Variants in PREX2 observed in about 807,000 individuals in gnomAD.
PREX2 encodes phosphatidylinositol-3,4,5-trisphosphate dependent Rac exchange factor 2.
In PREX2, 107 loss-of-function variants were observed where a neutral mutation model predicts 203.2. The observed-to-expected ratio is 0.53, with a 90% CI of 0.45 to 0.62. The LOEUF (loss-of-function observed/expected upper bound fraction) is 0.62. PREX2 is among the 20% of genes least tolerant of loss of function. PREX2 has a pLI of 0.00. For synonymous variants in PREX2, 672 were observed against 663.6 expected, an observed-to-expected ratio of 1.01 and a Z score of -0.19; for missense variants, 1,777 against 1,955.9, an observed-to-expected ratio of 0.91 and a Z score of 1.72.
chr8:68,123,677 C>T (rs1469944062), intron 30 of PREX2, among the ~76,000 whole-genome samples: 1 of 151,844 alleles, frequency 6.6e-6, no homozygotes, highest in Non-Finnish European at 1.5e-5. Flanking sequence ...GGATAAATTC[C>T]TGGACACATG....
intron 1 of PREX2, among the ~76,000 whole-genome samples, chr8:68,017,371 A>G (rs888839040): frequency 2.0e-5 from 3 of 151,968 alleles, no homozygotes; most frequent in Non-Finnish European, 2.9e-5. Flanking sequence ...AGGGATAGCT[A>G]TCTATCTATC....
At chr8:68,024,715 G>T (rs1807666031) in intron 4 of PREX2, among the ~76,000 whole-genome samples, 1 of 151,592 alleles carries the variant, frequency 6.6e-6, no homozygotes, top group African/African-American at 2.4e-5. Flanking sequence ...TTGTTTCTCT[G>T]TTCCTGTTTT....
rs756307336 is a variant in PREX2 at position 68,115,942 on chromosome 8, T to G, written c.3326+10T>G. ...ACAGAGACTCTTACAGGTAATTCAC[T>G]AATTCCTCAAACTCATTTTCTTAAC... On this transcript the variant is annotated intron_variant, in intron 26 of 39. Coordinates refer to ENST00000288368, the MANE Select transcript of PREX2 (RefSeq NM_024870.4). The G allele has an allele frequency of 1.7e-5, 26 of 1,574,892 alleles. No individual in the cohort carries two copies. Among genetic ancestry groups the G allele is most frequent in the Admixed American group, 1.1e-4 (6 of 53,036 alleles).
chr8:68,168,035 A>G (rs1811798206), intron 35 of PREX2, among the ~76,000 whole-genome samples: 2 of 152,216 alleles, frequency 1.3e-5, no homozygotes, highest in Non-Finnish European at 1.5e-5. Context: ...GCCAAAATGA[A>G]TATCAGATCA....
rs866377807 is a variant in PREX2 at position 68,047,498 on chromosome 8, T to C, written c.943+2908T>C. Among the ~76,000 whole-genome samples, 7 of 67,416 alleles carry C rather than the reference T, an allele frequency of 1.0e-4. 1 individual carries two copies. The highest frequency in any genetic ancestry group is 2.7e-4 in the African/African-American group (3 of 10,988). 44.2% of individuals were successfully genotyped at this position (67,416 alleles called of 152,430 possible). On this transcript the variant is annotated intron_variant, in intron 8 of 39. Coordinates refer to ENST00000288368, the MANE Select transcript of PREX2 (RefSeq NM_024870.4). ...ATATATATATATATATATATATATATATATATATACACATACATATATATA... is the reference window on the plus strand; with the variant it reads ...ATATATATATATATATATATATATACATATATATACACATACATATATATA...
intron 30 of PREX2, among the ~76,000 whole-genome samples, chr8:68,125,574 T>C (rs1296086792): frequency 6.6e-6 from 1 of 152,140 alleles, no homozygotes; most frequent in Non-Finnish European, 1.5e-5. Flanking sequence ...ATTAATTATA[T>C]GGTGTCCCTA....
chr8:68,084,226 A>G (rs1467222405), intron 18 of PREX2, among the ~76,000 whole-genome samples: 1 of 152,110 alleles, frequency 6.6e-6, no homozygotes, highest in Non-Finnish European at 1.5e-5. Context: ...TGTACAAACT[A>G]TTTAGCATAA....
chr8:68,147,580 A>G (rs1212774635), intron 34 of PREX2, among the ~76,000 whole-genome samples: 3 of 152,176 alleles, frequency 2.0e-5, no homozygotes, highest in South Asian at 2.1e-4. Flanking sequence ...GCCATGGGGA[A>G]CTGTAAGTCC....
intron 30 of PREX2, among the ~76,000 whole-genome samples, chr8:68,123,547 A>G (rs1307875328): frequency 6.6e-6 from 1 of 152,076 alleles, no homozygotes; most frequent in African/African-American, 2.4e-5. Flanking sequence ...GAAATGACAA[A>G]GGAGATATTA....
intron 6 of PREX2, among the ~76,000 whole-genome samples, chr8:68,034,367 G>A (rs1166507239): frequency 6.6e-6 from 1 of 152,098 alleles, no homozygotes; most frequent in African/African-American, 2.4e-5. Context: ...TGCTCTGTCT[G>A]TGTGTTGGCT....
intron 1 of PREX2, among the ~76,000 whole-genome samples, chr8:67,969,986 C>T (rs769007022): frequency 6.6e-6 from 1 of 152,158 alleles, no homozygotes; most frequent in Non-Finnish European, 1.5e-5. Flanking sequence ...TTCTATAGCT[C>T]AATTTGCTCT....
intron 1 of PREX2, among the ~76,000 whole-genome samples, chr8:67,971,578 A>G (rs557413604): frequency 6.6e-6 from 1 of 152,328 alleles, no homozygotes; most frequent in South Asian, 2.1e-4. Context: ...AATAGAATGA[A>G]TGATGAGAAG....
At chr8:68,032,217 A>G (rs575511019) in intron 6 of PREX2, among the ~76,000 whole-genome samples, 1 of 152,270 alleles carries the variant, frequency 6.6e-6, no homozygotes, top group South Asian at 2.1e-4. Context: ...AGAAAACTGG[A>G]TGGAGTTAAG....
chr8:68,155,525 T>C (rs920095841), intron 34 of PREX2, among the ~76,000 whole-genome samples: 2 of 152,050 alleles, frequency 1.3e-5, no homozygotes, highest in East Asian at 1.9e-4. Context: ...GTTTCCTATT[T>C]CCCCCCCTCA....
chr8:68,202,781 G>A (rs1812533132), intron 37 of PREX2, among the ~76,000 whole-genome samples: 1 of 152,152 alleles, frequency 6.6e-6, no homozygotes, highest in Non-Finnish European at 1.5e-5. Flanking sequence ...AGGGGATTTG[G>A]TTCACTGCAC....
At position 68,172,493 on chromosome 8, in the gene PREX2, A is replaced by T. The variant is rs1280322095; in HGVS notation, c.4346+15057A>T. Among the ~76,000 whole-genome samples the T allele has an allele frequency of 2.0e-5, 3 of 152,360 alleles. No homozygotes were observed. The South Asian group carries it at 6.2e-4, about 32-fold the overall frequency. On this transcript the variant is annotated intron_variant, in intron 35 of 39. Transcript: ENST00000288368. ...ATGATAAATATTAAACAAAATTTTA[A>T]CTAATAATTTATAGCAATATGTGAA...
chr8:68,074,645 G>A (rs1366115963), intron 14 of PREX2, among the ~76,000 whole-genome samples: 1 of 151,818 alleles, frequency 6.6e-6, no homozygotes, highest in African/African-American at 2.4e-5. Flanking sequence ...ACAAGTTAAA[G>A]TTCTTAATCT....
chr8:67,991,167 T>C (rs73259904), intron 1 of PREX2, among the ~76,000 whole-genome samples: 6,658 of 152,260 alleles, frequency 0.044, 458 homozygotes, highest in African/African-American at 0.14. Context: ...GTTATTATAC[T>C]TTTATTAGGA....
rs2129612574 is a variant in PREX2, at chr8:68,099,795, C to T, written c.2667C>T (p.Cys889=). The change falls in exon 23 of 40, where the codon TGC becomes TGT. Residue 889 remains cysteine, a synonymous_variant. Coordinates refer to ENST00000288368, the MANE Select transcript of PREX2 (RefSeq NM_024870.4). ...TTCAGAGTAAATTCAGTGCCCTTTG[C>T]AGTGAAAGAATTGAACACCTATGTC... is the stretch of plus-strand genomic sequence containing the variant. ...TDLQSKFSAL[C]SERIEHLCQR... is the part of the protein sequence containing the mutation. 6.2e-7 allele frequency: 1 copy of T among 1,613,006 alleles called. No individual in the cohort carries two copies. Among genetic ancestry groups the T allele is most frequent in the Non-Finnish European group, 8.5e-7 (1 of 1,179,154 alleles).
Sources: allele counts gnomAD v4.1 joint callset (sites outside exome capture counted in the v4.1 genomes callset), GRCh38; gene constraint gnomAD v4.1.1; transcripts MANE v1.5; gene names NCBI Gene and HGNC (gene_info 2026-07-23, HGNC 2026-07-21).